Variants in SEC11A observed in about 807,000 individuals in gnomAD.
SEC11A encodes the protein signal peptidase complex catalytic subunit SEC11A.
A neutral mutation model predicts 25.6 loss-of-function variants in SEC11A; 14 were observed. The ratio of observed to expected loss-of-function variants is 0.55; its 90% CI spans 0.36 to 0.85. SEC11A has a LOEUF of 0.85. Ranked by LOEUF, SEC11A falls within the 40% of genes least tolerant of loss-of-function variation. The probability of loss-of-function intolerance (pLI) is 0.01; values close to 1 mark genes in which losing one functional copy is unlikely to be tolerated. For missense variants in SEC11A, 153 were observed against 222.9 expected (o/e 0.69, Z 2.00); for synonymous variants, 83 against 76.4 (o/e 1.09, Z -0.45).
At chr15:84,690,175 G>T (rs1010384407) in intron 2 of SEC11A, among the ~76,000 whole-genome samples, 1 of 152,140 alleles carries the variant, frequency 6.6e-6, no homozygotes, top group Non-Finnish European at 1.5e-5. Context: ...CCAGCAGGAG[G>T]TAACTGAATC....
intron 4 of SEC11A, among the ~76,000 whole-genome samples, chr15:84,677,486 T>C (rs1202240550): frequency 6.6e-6 from 1 of 151,106 alleles, no homozygotes; most frequent in Non-Finnish European, 1.5e-5. Flanking sequence ...TTTTTTTTTT[T>C]TTTTTAGACA....
intron 1 of SEC11A, among the ~76,000 whole-genome samples, chr15:84,700,252 A>G (rs893697894): frequency 1.3e-5 from 2 of 151,932 alleles, no homozygotes; most frequent in Non-Finnish European, 2.9e-5. Context: ...AATGAGAAAA[A>G]TCAATAAACA....
At chr15:84,691,485 C>T in intron 2 of SEC11A, 50 bp downstream of exon 2, 1 of 998,298 alleles carries the variant, frequency 1.0e-6, no homozygotes, top group Non-Finnish European at 1.6e-6. Flanking sequence ...CTCAATTTTT[C>T]TCCCAAGTAA....
At chr15:84,672,797 G>A (rs1403531499) in intron 4 of SEC11A, 2 of 210,686 alleles carry the variant, frequency 9.5e-6, no homozygotes, top group Non-Finnish European at 1.9e-5. Flanking sequence ...CTGCCCGGCC[G>A]CCATCCCATC....
intron 2 of SEC11A, among the ~76,000 whole-genome samples, chr15:84,688,213 C>G (rs1398691845): frequency 6.6e-6 from 1 of 152,104 alleles, no homozygotes; most frequent in South Asian, 2.1e-4. Flanking sequence ...AAGATAACAG[C>G]CAAGATGACC....
intron 4 of SEC11A, chr15:84,671,617 A>C (rs1896985016): frequency 6.6e-6 from 1 of 152,182 alleles, no homozygotes; most frequent in Non-Finnish European, 1.5e-5. Flanking sequence ...CTTTTACTTA[A>C]ATAATTAGTT....
At chr15:84,684,556 T>C (rs1322815793) in intron 3 of SEC11A, among the ~76,000 whole-genome samples, 3 of 152,144 alleles carry the variant, frequency 2.0e-5, no homozygotes, top group African/African-American at 4.8e-5. Flanking sequence ...CAGACTAATA[T>C]ACCTCCTATA....
chr15:84,705,803 C>T (rs1898077875), intron 1 of SEC11A, among the ~76,000 whole-genome samples: 3 of 151,122 alleles, frequency 2.0e-5, no homozygotes, highest in South Asian at 2.1e-4. Context: ...TGCAGTGAGC[C>T]GAGATCGCAC....
chr15:84,705,221 A>T (rs1305157862), intron 1 of SEC11A, among the ~76,000 whole-genome samples: 1 of 152,180 alleles, frequency 6.6e-6, no homozygotes, highest in Non-Finnish European at 1.5e-5. Context: ...CACTGAGCCC[A>T]GCCAAGAGTC....
At chr15:84,671,477 T>G (rs1185977106) in intron 4 of SEC11A, 1 of 152,242 alleles carries the variant, frequency 6.6e-6, no homozygotes, top group Admixed American at 6.5e-5. Context: ...TGCTACACTT[T>G]CTTTTCACTA....
intron 1 of SEC11A, among the ~76,000 whole-genome samples, chr15:84,695,745 A>G (rs1166896653): frequency 5.3e-5 from 8 of 152,214 alleles, no homozygotes; most frequent in Non-Finnish European, 1.0e-4. Context: ...CAAGTTTCAT[A>G]TTCTTCACAC....
At chr15:84,681,907 A>C (rs2141880797) in intron 3 of SEC11A, among the ~76,000 whole-genome samples, 2 of 152,184 alleles carry the variant, frequency 1.3e-5, no homozygotes, top group South Asian at 4.2e-4. Context: ...GGCAAAGCAA[A>C]AAATACAAAA....
At chr15:84,674,615 G>GCC (rs1225575483) in intron 4 of SEC11A, among the ~76,000 whole-genome samples, 1 of 152,026 alleles carries the variant, frequency 6.6e-6, no homozygotes, top group African/African-American at 2.4e-5. Context: ...CTAGAATGCA[G>GCC]TGGTGTGATC....
intron 1 of SEC11A, 134 bp from the exon 2 acceptor site, chr15:84,691,778 T>C (rs1897615042): frequency 1.9e-6 from 1 of 529,734 alleles, no homozygotes; most frequent in Non-Finnish European, 3.3e-6. Context: ...CTTTAATACA[T>C]TATAATAATT....
chr15:84,671,164 G>C (rs1896974012), intron 4 of SEC11A: 1 of 157,498 alleles, frequency 6.3e-6, no homozygotes, highest in Non-Finnish European at 1.4e-5. Flanking sequence ...AGCAAGCACA[G>C]CCAGAATATT....
At chr15:84,711,473 A>T (rs2141928781) in intron 1 of SEC11A, among the ~76,000 whole-genome samples, 1 of 152,262 alleles carries the variant, frequency 6.6e-6, no homozygotes, top group African/African-American at 2.4e-5. Context: ...ATTTTCAGCA[A>T]TTCTGCAAGC....
chr15:84,677,765 A>C (rs1056679723), intron 4 of SEC11A, among the ~76,000 whole-genome samples: 2 of 152,108 alleles, frequency 1.3e-5, no homozygotes, highest in African/African-American at 4.8e-5. Flanking sequence ...TAGCCACCGC[A>C]CCCAGCCCAG....
intron 1 of SEC11A, among the ~76,000 whole-genome samples, chr15:84,699,481 G>C (rs962114878): frequency 6.6e-6 from 1 of 152,166 alleles, no homozygotes; most frequent in Non-Finnish European, 1.5e-5. Flanking sequence ...ACTGTGTTCA[G>C]GTAGTAAGGA....
intron 1 of SEC11A, among the ~76,000 whole-genome samples, chr15:84,693,324 C>A (rs1385935315): frequency 6.7e-6 from 1 of 148,676 alleles, no homozygotes; most frequent in Non-Finnish European, 1.5e-5. Flanking sequence ...TAATAATGCA[C>A]AAACTTTGGC....
Sources: allele counts gnomAD v4.1 joint callset (sites outside exome capture counted in the v4.1 genomes callset), GRCh38; gene constraint gnomAD v4.1.1; transcripts MANE v1.5; gene names NCBI Gene and HGNC (gene_info 2026-07-23, HGNC 2026-07-21).